WDR35: variants seen among roughly 807,000 people sequenced by gnomAD.
WDR35 encodes the protein WD repeat-containing protein 35.
A neutral mutation model predicts 158.3 loss-of-function variants in WDR35; 118 were observed. The observed-to-expected ratio is 0.75, with a 90% CI of 0.64 to 0.87. The LOEUF (loss-of-function observed/expected upper bound fraction) is 0.87. Ranked by LOEUF, WDR35 falls within the 40% of genes least tolerant of loss-of-function variation. The pLI, the probability that WDR35 is intolerant of heterozygous loss-of-function variation, is 0.00. For missense variants in WDR35, 1,263 were observed against 1,405.8 expected, an observed-to-expected ratio of 0.90 and a Z score of 1.62; for synonymous variants, 448 against 476.1, an observed-to-expected ratio of 0.94 and a Z score of 0.77.
intron 11 of WDR35, among the ~76,000 whole-genome samples, chr2:19,956,810 G>A (rs1303293525): frequency 4.6e-5 from 7 of 151,728 alleles, no homozygotes; most frequent in Non-Finnish European, 1.0e-4. Context: ...TAGTAGAGAC[G>A]GGGTTTCACC....
rs1473763805 is a variant in WDR35, at chr2:19,946,520, C to A, written c.1575G>T (p.Leu525Phe). 6.2e-7 allele frequency: 1 copy of A among 1,613,522 alleles called. No homozygotes were observed. The highest frequency in any genetic ancestry group is 2.2e-5 in the East Asian group (1 of 44,792). The change falls in exon 15 of 27, where the codon TTG (leucine) becomes TTT (phenylalanine). Residue 525 changes from leucine to phenylalanine, a missense_variant. By Grantham distance (22) the Leu-to-Phe change is conservative. Transcript: ENST00000281405. ...IQRYSLPNVG[L>F]IQKYSLNCRA... The stretch of plus-strand genomic sequence containing the variant: ...GACAATTAAGGGAATATTTTTGAAT[C>A]AAACCAACATTAGGTAGACTGTATC...
chr2:19,984,609 C>T lies in WDR35; in HGVS notation c.143-2075G>A, dbSNP rs142127689. ...GTTATTCCAACAATCCGAAGTACAT[C>T]AAAAAGTCCAAAGAAGGCTTTTAAA... On this transcript the variant is annotated intron_variant, in intron 2 of 26. Transcript: ENST00000281405. 2.1e-3 allele frequency among the ~76,000 whole-genome samples: 320 copies of T among 152,270 alleles called. 2 individuals are homozygous for T. Among genetic ancestry groups the T allele is most frequent in the African/African-American group, 7.3e-3 (303 of 41,552 alleles).
rs148436608 is a variant in WDR35 at position 19,914,120 on chromosome 2, C to T, written c.3279G>A (p.Gln1093=). ...AGATTTCTAAAGCAAGGTCTTCATA[C>T]TGCTGTTTCTGTTCTGAACTGAGGG... ...LETLSSEQKQ[Q]YEDLALEIFT... Residue 1093 remains glutamine, a synonymous_variant, in exon 26 of 27, where the codon CAG becomes CAA. Coordinates refer to ENST00000281405, the MANE Select transcript of WDR35 (RefSeq NM_020779.4). 6.2e-7 allele frequency: 1 copy of T among 1,614,116 alleles called. No individual in the cohort carries two copies. The highest frequency in any genetic ancestry group is 1.7e-5 in the Admixed American group (1 of 60,010).
At chr2:19,981,764 C>G (rs1006731896) in intron 3 of WDR35, among the ~76,000 whole-genome samples, 19 of 152,108 alleles carry the variant, frequency 1.2e-4, no homozygotes, top group African/African-American at 4.6e-4. Flanking sequence ...TGCAGTCTTC[C>G]CACCTTGGCC....
chr2:19,965,073 G>A (rs1469194837), intron 10 of WDR35, among the ~76,000 whole-genome samples: 2 of 151,922 alleles, frequency 1.3e-5, no homozygotes, highest in African/African-American at 2.4e-5. Context: ...ACAGGCTTGC[G>A]CCACCATGCC....
rs553632632 is a variant in WDR35 at position 19,941,342 on chromosome 2, T to C, written c.1926+417A>G. On this transcript the variant is annotated intron_variant, in intron 17 of 26. Coordinates refer to ENST00000281405, the MANE Select transcript of WDR35 (RefSeq NM_020779.4). ...CTAAAAAAAAGTTACTCAAGTATCTTAGAACTAGAAAAAGGCTAAACTCTT... is the reference window on the plus strand; with the variant it reads ...CTAAAAAAAAGTTACTCAAGTATCTCAGAACTAGAAAAAGGCTAAACTCTT... Among the ~76,000 whole-genome samples, 7 of 152,294 alleles carry C rather than the reference T, an allele frequency of 4.6e-5. No individual in the cohort carries two copies. The South Asian group carries it at 1.4e-3, about 32-fold the overall frequency.
At chr2:19,975,799 T>TTGA in intron 5 of WDR35, 136 bp from the exon 6 acceptor site, 1 of 1,160,560 alleles carries the variant, frequency 8.6e-7, no homozygotes, top group Non-Finnish European at 1.3e-6. Flanking sequence ...GGCCAATAAA[T>TTGA]ATTTACTGAG....
chr2:19,941,282 T>C (rs1670865663), intron 17 of WDR35, among the ~76,000 whole-genome samples: 1 of 152,020 alleles, frequency 6.6e-6, no homozygotes, highest in South Asian at 2.1e-4. Flanking sequence ...AAAGGATTAT[T>C]TTACAAAACC....
chr2:19,914,276 A>G lies in WDR35; in HGVS notation c.3123T>C (p.Ala1041=). The change falls in exon 26 of 27, where the codon GCT becomes GCC. Residue 1041 remains alanine (A), a splice_region_variant and synonymous_variant. Coordinates refer to ENST00000281405, the MANE Select transcript of WDR35 (RefSeq NM_020779.4). ...EGCVDTALKT[A]LHLKDYEDII... ...TGTCTTCATAGTCTTTCAGGTGAAG[A>G]GCTAAGAAAAACAGGGCAATTGGGG... is the stretch of plus-strand genomic sequence containing the variant. 4.3e-6 allele frequency: 7 copies of G among 1,614,146 alleles called. No homozygotes were observed. The highest frequency in any genetic ancestry group is 5.9e-6 in the Non-Finnish European group (7 of 1,179,998).
In WDR35 at chr2:19,953,963, G is replaced by C; in HGVS notation, c.1271C>G (p.Ala424Gly). ...KYIDIVPLFV[A>G]MTKTHVIAAS... The stretch of plus-strand genomic sequence containing the variant: ...TGCTATCACATGGGTTTTGGTCATT[G>C]CAACAAACAATGGTACTGTTAAAAA... Residue 424 changes from alanine to glycine, a missense_variant, in exon 12 of 27, where the codon GCA becomes GGA. Transcript: ENST00000281405. 3 of 1,614,066 alleles carry C rather than the reference G, an allele frequency of 1.9e-6. No homozygotes were observed. Among genetic ancestry groups the C allele is most frequent in the Middle Eastern group, 1.6e-4 (1 of 6,062 alleles).
At chr2:19,930,650 A>T (rs1670498330) in intron 24 of WDR35, 98 bp from the exon 25 acceptor site, 3 of 1,533,798 alleles carry the variant, frequency 2.0e-6, no homozygotes, top group East Asian at 4.5e-5. Flanking sequence ...AAATGAGCAG[A>T]TTTTATCATT....
intron 25 of WDR35, 26 bp from the exon 26 acceptor site, chr2:19,914,303 T>A (rs748658043): frequency 6.2e-7 from 1 of 1,613,322 alleles, no homozygotes. Flanking sequence ...CAATTGGGGT[T>A]TTTTAAAATA....
intron 10 of WDR35, chr2:19,962,229 A>G (rs1328183282): frequency 1.3e-6 from 2 of 1,557,792 alleles, no homozygotes; most frequent in Admixed American, 3.4e-5. Context: ...GTTTCTGATC[A>G]GCTATAACCT....
intron 8 of WDR35, among the ~76,000 whole-genome samples, chr2:19,971,506 T>C (rs1041131807): frequency 3.9e-5 from 6 of 152,228 alleles, no homozygotes; most frequent in African/African-American, 1.4e-4. Flanking sequence ...ATACTGGACT[T>C]CTCATTCTCC....
At chr2:19,983,212 G>A (rs574275163) in intron 2 of WDR35, among the ~76,000 whole-genome samples, 21 of 152,266 alleles carry the variant, frequency 1.4e-4, no homozygotes, top group African/African-American at 4.6e-4. Flanking sequence ...GAGACTGAGA[G>A]GTAAACTGGA....
intron 25 of WDR35, among the ~76,000 whole-genome samples, chr2:19,927,618 T>C (rs1162788002): frequency 6.6e-6 from 1 of 152,192 alleles, no homozygotes; most frequent in African/African-American, 2.4e-5. Flanking sequence ...CATTAAGGAT[T>C]TGTGGAAACT....
In WDR35 at chr2:19,935,429, A is replaced by C. The variant is rs1303269523; in HGVS notation, c.2547+42T>G. 3 of 1,606,690 alleles carry C rather than the reference A, an allele frequency of 1.9e-6. No individual in the cohort carries two copies. In the South Asian group the frequency reaches 3.3e-5, roughly 18 times the overall value. On this transcript the variant is annotated intron_variant, in intron 21 of 26. Coordinates refer to ENST00000281405, the MANE Select transcript of WDR35 (RefSeq NM_020779.4). ...CTGACTATAACATAAAATTTTATAA[A>C]GTAACCTAACAATTCCAAAAACTAA...
rs1179966404 is a variant in WDR35 at position 19,911,026 on chromosome 2, G to C, written c.*2532C>G. On this transcript the variant is annotated 3_prime_UTR_variant, in exon 27 of 27. Coordinates refer to ENST00000281405, the MANE Select transcript of WDR35 (RefSeq NM_020779.4). ...CTGGTTTCTGGATCCAACTGAATGA[G>C]AAATATCAACTAGATATTGTTTAAA... 6.6e-6 allele frequency: 1 copy of C among 152,126 alleles called. No homozygotes were observed. The highest frequency in any genetic ancestry group is 1.5e-5 in the Non-Finnish European group (1 of 68,038). 9.4% of individuals were successfully genotyped at this position (152,126 alleles called of 1,614,324 possible).
chr2:19,953,110 A>C (rs189677840), intron 12 of WDR35, among the ~76,000 whole-genome samples: 60 of 152,360 alleles, frequency 3.9e-4, no homozygotes, highest in African/African-American at 1.4e-3. Flanking sequence ...AAGAATCCTT[A>C]GGTTAAAACA....
Sources: gnomAD v4.1 joint callset for allele counts (sites outside exome capture counted in the v4.1 genomes callset) on GRCh38, gnomAD v4.1.1 for gene constraint, MANE v1.5 for transcripts, NCBI Gene and HGNC (gene_info 2026-07-23, HGNC 2026-07-21) for gene names.